FANCB: variants seen among roughly 807,000 people sequenced by gnomAD.
FANCB encodes FA complementation group B, also known as Fanconi anemia group B protein.
FANCB carries 5 observed loss-of-function variants against 38.9 expected under a neutral mutation model. The observed-to-expected ratio is 0.13, with a 90% confidence interval of 0.07 to 0.27. The LOEUF (loss-of-function observed/expected upper bound fraction) is 0.27. FANCB is among the 10% of genes least tolerant of loss of function. The probability of loss-of-function intolerance (pLI) is 1.00; values close to 1 mark genes in which losing one functional copy is unlikely to be tolerated. For missense variants in FANCB, 573 were observed against 602.7 expected, an observed-to-expected ratio of 0.95 and a Z score of 0.52; for synonymous variants, 236 against 215.4, an observed-to-expected ratio of 1.10 and a Z score of -0.84.
the FANCB span, among the ~76,000 whole-genome samples, chrX:14,692,793 T>G: frequency 8.9e-6 from 1 of 112,077 alleles, no homozygotes; most frequent in Non-Finnish European, 1.9e-5. Context: ...TTTGAAATGC[T>G]GTGTGAAGGA....
At chrX:14,695,927 C>T in the FANCB span, among the ~76,000 whole-genome samples, 12 of 110,565 alleles carry the variant, frequency 1.1e-4, no homozygotes, top group African/African-American at 4.0e-4. Context: ...AGTGGGAGTG[C>T]CCATATGAGA....
At chrX:14,695,764 T>A in the FANCB span, among the ~76,000 whole-genome samples, 4 of 112,013 alleles carry the variant, frequency 3.6e-5, no homozygotes. Context: ...GCTCCTATCA[T>A]GTCCATGAAT....
At chrX:14,738,326 G>A in the FANCB span, among the ~76,000 whole-genome samples, 1 of 111,906 alleles carries the variant, frequency 8.9e-6, no homozygotes, top group Non-Finnish European at 1.9e-5. Context: ...TTTTTCTTTT[G>A]TGATAGTATT....
the FANCB span, among the ~76,000 whole-genome samples, chrX:14,728,052 T>A: frequency 8.9e-6 from 1 of 112,252 alleles, no homozygotes; most frequent in Admixed American, 9.5e-5. Flanking sequence ...AATAAAAGTA[T>A]GGAAAGATGG....
chrX:14,758,682 A>G, the FANCB span, among the ~76,000 whole-genome samples: 1 of 111,972 alleles, frequency 8.9e-6, no homozygotes, highest in Non-Finnish European at 1.9e-5. Context: ...GGAGAGCACC[A>G]TATCAAGGGA....
the FANCB span, among the ~76,000 whole-genome samples, chrX:14,811,324 T>C: frequency 5.4e-5 from 6 of 111,442 alleles, no homozygotes; most frequent in South Asian, 3.7e-4. Context: ...CAATATTAAC[T>C]TTAAATGTAA....
At chrX:14,751,732 T>C in the FANCB span, among the ~76,000 whole-genome samples, 2 of 111,209 alleles carry the variant, frequency 1.8e-5, no homozygotes, top group Admixed American at 1.9e-4. Context: ...AAGGGAGAAA[T>C]GTGAAAATAA....
At chrX:14,712,413 A>T in the FANCB span, among the ~76,000 whole-genome samples, 5 of 111,508 alleles carry the variant, frequency 4.5e-5, no homozygotes, top group East Asian at 1.4e-3. Flanking sequence ...GATCCTCTCC[A>T]CTAATCGCAC....
chrX:14,716,706 G>A, the FANCB span, among the ~76,000 whole-genome samples: 1 of 111,660 alleles, frequency 9.0e-6, no homozygotes, highest in African/African-American at 3.3e-5. Context: ...CCTCTGGTGA[G>A]CAAAGATAAT....
At chrX:14,773,140 T>C in the FANCB span, among the ~76,000 whole-genome samples, 1 of 112,445 alleles carries the variant, frequency 8.9e-6, no homozygotes, top group East Asian at 2.8e-4. Flanking sequence ...TAATCAGCCA[T>C]CTTGGATCCC....
chrX:14,864,346 G>A (rs1186817480), intron 3 of FANCB, among the ~76,000 whole-genome samples: 6 of 110,311 alleles, frequency 5.4e-5, no homozygotes, highest in African/African-American at 9.9e-5. Flanking sequence ...ACAACTCAAA[G>A]GCTTTATGAC....
chrX:14,857,832 G>C (rs759214492), intron 5 of FANCB, 30 bp downstream of exon 5: 1 of 986,967 alleles, frequency 1.0e-6, no homozygotes, highest in Non-Finnish European at 1.4e-6. Context: ...AACACTAATC[G>C]AAAAGCAAAA....
At chrX:14,768,038 A>G in the FANCB span, among the ~76,000 whole-genome samples, 1 of 111,587 alleles carries the variant, frequency 9.0e-6, no homozygotes, top group Non-Finnish European at 1.9e-5. Flanking sequence ...CCATTGGTCT[A>G]TATGTCTGTT....
the FANCB span, among the ~76,000 whole-genome samples, chrX:14,707,746 AC>A: frequency 1.2e-5 from 1 of 84,506 alleles, no homozygotes; most frequent in Non-Finnish European, 2.4e-5. Context: ...TCCTACTTTG[AC>A]AGCAAAAAAG....
At chrX:14,813,665 G>C in the FANCB span, among the ~76,000 whole-genome samples, 1 of 111,361 alleles carries the variant, frequency 9.0e-6, no homozygotes, top group Non-Finnish European at 1.9e-5. Context: ...ACTACTCAAC[G>C]AAATAAAAGA....
chrX:14,775,158 A>ATTT, the FANCB span, among the ~76,000 whole-genome samples: 2 of 28,468 alleles, frequency 7.0e-5, no homozygotes, highest in Non-Finnish European at 1.7e-4. Context: ...TATTTCTCTA[A>ATTT]TGTTTTTTTT....
chrX:14,703,246 T>C, the FANCB span, among the ~76,000 whole-genome samples: 1 of 111,847 alleles, frequency 8.9e-6, no homozygotes, highest in African/African-American at 3.3e-5. Context: ...GAGGCCATCT[T>C]TGGCTCATTT....
chrX:14,853,869 T>G lies in FANCB; in HGVS notation c.1198-702A>C, dbSNP rs140006134. Among the ~76,000 whole-genome samples, 24 of 112,221 alleles carry G rather than the reference T, an allele frequency of 2.1e-4. No homozygotes were observed. The East Asian group carries it at 6.7e-3, about 31-fold the overall frequency. ...AGAATATAGTTTGCTACTGAAAATTTAAAGAGTCATGTCATTGAACTGATA... is the reference window on the plus strand; with the variant it reads ...AGAATATAGTTTGCTACTGAAAATTGAAAGAGTCATGTCATTGAACTGATA... On this transcript the variant is annotated intron_variant, in intron 5 of 9. Coordinates refer to ENST00000650831, the MANE Select transcript of FANCB (RefSeq NM_001018113.3).
At chrX:14,757,942 G>A in the FANCB span, among the ~76,000 whole-genome samples, 1 of 111,662 alleles carries the variant, frequency 9.0e-6, no homozygotes, top group Admixed American at 9.4e-5. Context: ...TTCTCAGCTG[G>A]GAGGCTGGTA....
Sources: gnomAD v4.1 joint callset for allele counts (sites outside exome capture counted in the v4.1 genomes callset) on GRCh38, gnomAD v4.1.1 for gene constraint, MANE v1.5 for transcripts, NCBI Gene and HGNC (gene_info 2026-07-23, HGNC 2026-07-21) for gene names.